Variants in BTBD2 observed in about 807,000 individuals in gnomAD.
BTBD2 encodes BTB/POZ domain-containing protein 2.
A neutral mutation model predicts 44.0 loss-of-function variants in BTBD2; 15 were observed. The ratio of observed to expected loss-of-function variants is 0.34; its 90% confidence interval spans 0.23 to 0.53. BTBD2 has a LOEUF of 0.53. Ranked by LOEUF, BTBD2 falls within the 20% of genes least tolerant of loss-of-function variation. The pLI is 0.95. For synonymous variants in BTBD2, 443 were observed against 335.9 expected (o/e 1.32, Z -3.49); for missense variants, 657 against 746.4 (o/e 0.88, Z 1.39).
chr19:2,000,448 C>G (rs907279647), intron 1 of BTBD2, among the ~76,000 whole-genome samples: 1 of 152,242 alleles, frequency 6.6e-6, no homozygotes, highest in Non-Finnish European at 1.5e-5. Flanking sequence ...AGGAGGCACT[C>G]AAGTGGGCCC....
intron 1 of BTBD2, among the ~76,000 whole-genome samples, chr19:2,010,146 C>T (rs368125451): frequency 3.9e-5 from 6 of 151,988 alleles, no homozygotes; most frequent in South Asian, 2.1e-4. Context: ...AGCGAGACTC[C>T]GTCTCAAAAA....
At chr19:1,992,872 CA>C in intron 3 of BTBD2, 147 bp downstream of exon 3, 1 of 833,154 alleles carries the variant, frequency 1.2e-6, no homozygotes, top group Non-Finnish European at 1.6e-6. Flanking sequence ...ACGCCCGGCC[CA>C]AAACACATTT....
At chr19:1,988,445 C>T (rs12461737) in intron 5 of BTBD2, 56,253 of 152,264 alleles carry the variant, frequency 0.37, 10,956 homozygotes, top group East Asian at 0.56. Flanking sequence ...GGCTCAACTC[C>T]GCATCGCTCA....
chr19:2,012,628 C>G (rs188147444), intron 1 of BTBD2, among the ~76,000 whole-genome samples: 156 of 152,314 alleles, frequency 1.0e-3, no homozygotes, highest in African/African-American at 3.7e-3. Flanking sequence ...GTCCACGCCC[C>G]TAACCCCGCA....
At chr19:1,988,776 T>A (rs890293625) in intron 5 of BTBD2, among the ~76,000 whole-genome samples, 1 of 151,122 alleles carries the variant, frequency 6.6e-6, no homozygotes, top group Non-Finnish European at 1.5e-5. Context: ...GCTAATCTTG[T>A]ATTTTTAGTA....
At position 1,987,668 on chromosome 19, in the gene BTBD2, A is replaced by C. The variant is rs1038610732; in HGVS notation, c.1013T>G (p.Val338Gly). ...GAAGAGGCTGACCACCTCGCGGTCC[A>C]CCAGGATGCCCGACTGTGCGGGACC... Reference protein sequence around the residue: ...AAGPAQSGILVDREVVSLFLH... With the variant: ...AAGPAQSGILGDREVVSLFLH... Residue 338 changes from valine (V) to glycine (G), a missense_variant, in exon 6 of 9, where the codon GTG becomes GGG. Physicochemically the swap from Val to Gly is moderately radical, Grantham distance 109. Transcript: ENST00000255608. 1 of 1,607,540 alleles carries C rather than the reference A, an allele frequency of 6.2e-7. No individual in the cohort carries two copies. The highest frequency in any genetic ancestry group is 2.2e-5 in the East Asian group (1 of 44,804).
intron 3 of BTBD2, chr19:1,991,121 G>A (rs763039470): frequency 9.8e-6 from 3 of 307,498 alleles, no homozygotes; most frequent in Non-Finnish European, 1.9e-5. Context: ...AGGCAAAAGG[G>A]GCGTTGCAGC....
chr19:2,000,198 C>T (rs927195281), intron 1 of BTBD2, among the ~76,000 whole-genome samples: 1 of 152,090 alleles, frequency 6.6e-6, no homozygotes, highest in Non-Finnish European at 1.5e-5. Context: ...TTTGACCCCC[C>T]CAGTGTGTGG....
At chr19:1,999,782 T>C (rs1292022034) in intron 1 of BTBD2, among the ~76,000 whole-genome samples, 1 of 151,064 alleles carries the variant, frequency 6.6e-6, no homozygotes, top group South Asian at 2.1e-4. Flanking sequence ...GCCAACATGG[T>C]GAAACCCCGT....
At position 1,986,562 on chromosome 19, in the gene BTBD2, A is replaced by G; in HGVS notation, c.1504T>C (p.Cys502Arg). The G allele has an allele frequency of 6.2e-7, 1 of 1,614,056 alleles. No homozygotes were observed. Among genetic ancestry groups the G allele is most frequent in the South Asian group, 1.1e-5 (1 of 91,088 alleles). ...TTGAKTCFTF[C>R]YAAGNNNGTS... is the part of the protein sequence containing the mutation. Reference sequence around the variant, plus strand: ...CCATTGTTGTTCCCGGCCGCGTAGCAAAAGGTGAAGCAGGTCTTGGCGCCC... The same window carrying G: ...CCATTGTTGTTCCCGGCCGCGTAGCGAAAGGTGAAGCAGGTCTTGGCGCCC... The change falls in exon 9 of 9, where the codon TGC becomes CGC. Residue 502 changes from cysteine (C) to arginine (R), a missense_variant. Coordinates refer to ENST00000255608, the MANE Select transcript of BTBD2 (RefSeq NM_017797.4).
rs1452274673 is a variant in BTBD2, at chr19:1,990,890, G to A, written c.685-68C>T. 7 of 1,395,404 alleles carry A rather than the reference G, an allele frequency of 5.0e-6. No homozygotes were observed. The Admixed American group carries it at 8.0e-5, about 16-fold the overall frequency. The allele number at this position is 1,395,404 out of a possible 1,614,324, so 86.4% of individuals were successfully genotyped here. ...ACCCAGCCCTCGGCAGATCCCCAGTGCGGGGCCGGTTCAAATGCAGCCCTG... is the reference window on the plus strand; with the variant it reads ...ACCCAGCCCTCGGCAGATCCCCAGTACGGGGCCGGTTCAAATGCAGCCCTG... On this transcript the variant is annotated intron_variant, in intron 3 of 8. Coordinates refer to ENST00000255608, the MANE Select transcript of BTBD2 (RefSeq NM_017797.4).
intron 7 of BTBD2, 41 bp from the exon 8 acceptor site, chr19:1,987,017 G>A (rs1174270938): frequency 5.0e-6 from 8 of 1,600,062 alleles, no homozygotes; most frequent in Non-Finnish European, 6.8e-6. Flanking sequence ...GCCTGGGGAG[G>A]GCCAACGGGG....
intron 1 of BTBD2, among the ~76,000 whole-genome samples, chr19:2,004,432 G>C (rs760714432): frequency 6.6e-6 from 1 of 151,694 alleles, no homozygotes; most frequent in Non-Finnish European, 1.5e-5. Flanking sequence ...CGAGTAGCTG[G>C]GATTACAGGC....
At chr19:2,005,021 C>T (rs1023638893) in intron 1 of BTBD2, among the ~76,000 whole-genome samples, 4 of 151,600 alleles carry the variant, frequency 2.6e-5, no homozygotes, top group Admixed American at 6.6e-5. Flanking sequence ...GGGGTTTCAC[C>T]GTGTTAGTCA....
Position 1,989,936 on chromosome 19 carries a change from C to T in BTBD2, c.988+68G>A, listed in dbSNP as rs552304312. 1.0e-4 allele frequency: 157 copies of T among 1,552,892 alleles called. 1 individual carries two copies. Among genetic ancestry groups the T allele is most frequent in the South Asian group, 7.5e-4 (66 of 88,398 alleles). ...GCAGTGAACTCGGGGGCACTATCCT[C>T]GGTACCCAGATGCCCACCTGTGTGC... On this transcript the variant is annotated intron_variant, in intron 5 of 8. Coordinates refer to ENST00000255608, the MANE Select transcript of BTBD2 (RefSeq NM_017797.4).
At chr19:1,995,590 T>C (rs1290679654) in intron 2 of BTBD2, among the ~76,000 whole-genome samples, 1 of 150,832 alleles carries the variant, frequency 6.6e-6, no homozygotes, top group East Asian at 2.0e-4. Flanking sequence ...CCACTTTGGA[T>C]TCTTCTAAGT....
intron 2 of BTBD2, among the ~76,000 whole-genome samples, chr19:1,993,634 G>A (rs749957159): frequency 6.6e-5 from 10 of 151,940 alleles, no homozygotes; most frequent in Non-Finnish European, 1.2e-4. Context: ...AATCATGGAC[G>A]CTATTACCAC....
At chr19:2,008,853 G>A (rs182063713) in intron 1 of BTBD2, among the ~76,000 whole-genome samples, 6 of 151,864 alleles carry the variant, frequency 4.0e-5, no homozygotes, top group Admixed American at 1.3e-4. Flanking sequence ...TTACAGATGT[G>A]AGCCACTGCA....
Position 2,015,647 on chromosome 19 carries a change from G to A in BTBD2, c.57C>T (p.Gly19=), listed in dbSNP as rs2016526756. 2.0e-6 allele frequency: 2 copies of A among 996,948 alleles called. No homozygotes were observed. The highest frequency in any genetic ancestry group is 1.9e-5 in the African/African-American group (1 of 53,438). The allele number at this position is 996,948 out of a possible 1,614,324, so 61.8% of individuals were successfully genotyped here. The change falls in exon 1 of 9, where the codon GGC becomes GGT. Residue 19 remains glycine, a synonymous_variant. Transcript: ENST00000255608. ...GCCCGGGACTGCCCCCCGTGCCCGG[G>A]CCGACCCCGACCCCCGGCGGGCACG... The part of the protein sequence containing the change: ...RASCPPGVGV[G]PGTGGSPGPS...
Sources: allele counts gnomAD v4.1 joint callset (sites outside exome capture counted in the v4.1 genomes callset), GRCh38; gene constraint gnomAD v4.1.1; transcripts MANE v1.5; gene names NCBI Gene and HGNC (gene_info 2026-07-23, HGNC 2026-07-21).